Variants in CDC42BPA observed in about 807,000 individuals in gnomAD.
CDC42BPA encodes the protein CDC42 binding protein kinase alpha, also known as serine/threonine-protein kinase MRCK alpha.
A neutral mutation model predicts 223.5 loss-of-function variants in CDC42BPA; 80 were observed. The observed-to-expected ratio is 0.36, with a 90% CI of 0.30 to 0.43. The LOEUF is 0.43. CDC42BPA is among the 20% of genes least tolerant of loss of function. The probability of loss-of-function intolerance (pLI) is 1.00; values close to 1 mark genes in which losing one functional copy is unlikely to be tolerated. For missense variants in CDC42BPA, 1,743 were observed against 2,099.9 expected, an observed-to-expected ratio of 0.83 and a Z score of 3.32; for synonymous variants, 694 against 718.6, an observed-to-expected ratio of 0.97 and a Z score of 0.55.
chr1:227,169,447 C>A (rs539800157), intron 5 of CDC42BPA, among the ~76,000 whole-genome samples: 1 of 152,062 alleles, frequency 6.6e-6, no homozygotes, highest in South Asian at 2.1e-4. Flanking sequence ...ATTTAAACTG[C>A]AAACTGTTTC....
chr1:227,261,843 G>A (rs906257284), intron 1 of CDC42BPA, among the ~76,000 whole-genome samples: 1 of 152,116 alleles, frequency 6.6e-6, no homozygotes. Flanking sequence ...GTCCAGTGAA[G>A]CAACCTAGGG....
chr1:227,316,262 T>C (rs1049307053), intron 1 of CDC42BPA, among the ~76,000 whole-genome samples: 1 of 152,208 alleles, frequency 6.6e-6, no homozygotes, highest in African/African-American at 2.4e-5. Context: ...TTGAAGGTCA[T>C]GGAGCGTTTG....
In CDC42BPA at chr1:226,991,024, C is replaced by CA. The variant is rs1660676286; in HGVS notation, c.*3243dup. ...ATGTGTATAAATACATACATAATAA[C>CA]AAAAAATGTAAGATCTACTTTAGCA... is the stretch of plus-strand genomic sequence containing the variant. On this transcript the variant is annotated 3_prime_UTR_variant, in exon 37 of 37. Coordinates refer to ENST00000366766, the MANE Select transcript of CDC42BPA (RefSeq NM_001394014.1). 6.6e-6 allele frequency: 1 copy of CA among 152,528 alleles called. No individual in the cohort carries two copies. The highest frequency in any genetic ancestry group is 1.5e-5 in the Non-Finnish European group (1 of 67,992). The allele number at this position is 152,528 out of a possible 1,614,324, so 9.4% of individuals were successfully genotyped here. A position where few individuals can be genotyped will look rare whatever the true frequency, so the allele number is the denominator to read the frequency against.
intron 35 of CDC42BPA, among the ~76,000 whole-genome samples, chr1:226,997,809 T>C (rs1661949424): frequency 6.6e-6 from 1 of 152,240 alleles, no homozygotes; most frequent in South Asian, 2.1e-4. Context: ...CACTGTGGTC[T>C]GAGAGACTTA....
At chr1:227,026,702 G>A (rs1668329127) in intron 30 of CDC42BPA, among the ~76,000 whole-genome samples, 1 of 152,170 alleles carries the variant, frequency 6.6e-6, no homozygotes, top group African/African-American at 2.4e-5. Context: ...TATTGAAAGA[G>A]CTACACAAAA....
chr1:227,220,967 G>T (rs1371480057), intron 2 of CDC42BPA, among the ~76,000 whole-genome samples: 3 of 152,126 alleles, frequency 2.0e-5, no homozygotes, highest in Non-Finnish European at 1.5e-5. Flanking sequence ...AGCACATTTT[G>T]AAAGAGTAGT....
intron 34 of CDC42BPA, among the ~76,000 whole-genome samples, chr1:227,010,587 A>G (rs900331336): frequency 2.6e-5 from 4 of 152,220 alleles, no homozygotes; most frequent in Non-Finnish European, 4.4e-5. Context: ...TTACAATGGG[A>G]AAAACTTTTA....
At position 227,030,807 on chromosome 1, in the gene CDC42BPA, T is replaced by A. The variant is rs553646718; in HGVS notation, c.3776-337A>T. Reference sequence around the variant, plus strand: ...CCATACTCATTGAACTTTTCAGTATTTATGGAAAGTAACAAAAGAGTTAGA... The same window carrying A: ...CCATACTCATTGAACTTTTCAGTATATATGGAAAGTAACAAAAGAGTTAGA... On this transcript the variant is annotated intron_variant, in intron 28 of 36. Coordinates refer to ENST00000366766, the MANE Select transcript of CDC42BPA (RefSeq NM_001394014.1). Among the ~76,000 whole-genome samples, 3 of 152,310 alleles carry A rather than the reference T, an allele frequency of 2.0e-5. No individual in the cohort carries two copies. In the South Asian group the frequency reaches 6.2e-4, roughly 32 times the overall value.
chr1:227,262,721 T>C (rs773068194), intron 1 of CDC42BPA, among the ~76,000 whole-genome samples: 5 of 152,202 alleles, frequency 3.3e-5, no homozygotes, highest in Non-Finnish European at 5.9e-5. Flanking sequence ...CCAGCATCAA[T>C]AAACTCTACC....
intron 29 of CDC42BPA, among the ~76,000 whole-genome samples, chr1:227,030,134 C>CAA (rs112837037): frequency 4.1e-4 from 49 of 119,354 alleles, no homozygotes; most frequent in East Asian, 1.1e-3. Context: ...ACTCTGTCTC[C>CAA]AAAAAAAAAA....
At chr1:227,053,464 A>G (rs555921429) in intron 21 of CDC42BPA, among the ~76,000 whole-genome samples, 2 of 152,286 alleles carry the variant, frequency 1.3e-5, no homozygotes, top group South Asian at 2.1e-4. Context: ...ACCAACTGCT[A>G]GGATACTCAA....
At chr1:227,190,285 T>TA (rs1349967726) in intron 5 of CDC42BPA, among the ~76,000 whole-genome samples, 17 of 152,164 alleles carry the variant, frequency 1.1e-4, no homozygotes, top group African/African-American at 4.1e-4. Context: ...AAGCCTGACT[T>TA]AGATTTTAAT....
intron 23 of CDC42BPA, among the ~76,000 whole-genome samples, chr1:227,044,701 T>G (rs1672058496): frequency 6.6e-6 from 1 of 152,168 alleles, no homozygotes; most frequent in Non-Finnish European, 1.5e-5. Context: ...CCTTTTACAC[T>G]ATCTACTCCC....
At chr1:227,079,128 A>G (rs1680105946) in intron 17 of CDC42BPA, among the ~76,000 whole-genome samples, 1 of 152,164 alleles carries the variant, frequency 6.6e-6, no homozygotes. Context: ...CAGGGAATAT[A>G]TATTTTACTT....
intron 5 of CDC42BPA, among the ~76,000 whole-genome samples, chr1:227,168,620 C>T (rs1015868151): frequency 6.6e-5 from 10 of 151,026 alleles, no homozygotes; most frequent in Non-Finnish European, 1.5e-4. Context: ...CTCAGCCTCC[C>T]GAGTAGCTGG....
At chr1:227,266,263 G>C (rs897364418) in intron 1 of CDC42BPA, among the ~76,000 whole-genome samples, 5 of 152,128 alleles carry the variant, frequency 3.3e-5, no homozygotes, top group African/African-American at 1.2e-4. Context: ...AGCTTCTAGG[G>C]TCTTTCCTTA....
At chr1:227,248,464 C>A (rs1425266566) in intron 2 of CDC42BPA, among the ~76,000 whole-genome samples, 1 of 151,790 alleles carries the variant, frequency 6.6e-6, no homozygotes, top group East Asian at 1.9e-4. Context: ...TTTCTCTATG[C>A]CAACAGTGAA....
chr1:227,267,607 A>T (rs1685216983), intron 1 of CDC42BPA, among the ~76,000 whole-genome samples: 1 of 152,208 alleles, frequency 6.6e-6, no homozygotes, highest in African/African-American at 2.4e-5. Flanking sequence ...GAGACTGGGT[A>T]ATTTATAAAC....
At chr1:227,274,962 T>C (rs1205090069) in intron 1 of CDC42BPA, among the ~76,000 whole-genome samples, 1 of 152,160 alleles carries the variant, frequency 6.6e-6, no homozygotes, top group Non-Finnish European at 1.5e-5. Context: ...ATTGGCAAAC[T>C]TGCCATTAAG....
Sources: allele counts gnomAD v4.1 joint callset (sites outside exome capture counted in the v4.1 genomes callset), GRCh38; gene constraint gnomAD v4.1.1; transcripts MANE v1.5; gene names NCBI Gene and HGNC (gene_info 2026-07-23, HGNC 2026-07-21).